ZC3H12B: variants seen among roughly 807,000 people sequenced by gnomAD.
ZC3H12B encodes zinc finger CCCH-type containing 12B, also known as probable ribonuclease ZC3H12B.
In ZC3H12B, 7 loss-of-function variants were observed where a neutral mutation model predicts 43.9. That is an observed-to-expected ratio of 0.16 (90% CI 0.09 to 0.30). ZC3H12B has a LOEUF of 0.30. ZC3H12B is among the 10% of genes least tolerant of loss of function. The probability of loss-of-function intolerance (pLI) is 1.00; values close to 1 mark genes in which losing one functional copy is unlikely to be tolerated. For synonymous variants in ZC3H12B, 222 were observed against 241.7 expected (o/e 0.92, Z 0.76); for missense variants, 475 against 670.2 (o/e 0.71, Z 3.22).
the ZC3H12B span, among the ~76,000 whole-genome samples, chrX:65,361,357 A>AT: frequency 8.9e-6 from 1 of 111,993 alleles, no homozygotes; most frequent in South Asian, 3.7e-4. Context: ...TTTGAATTAT[A>AT]TTTTTTGGGT....
chrX:65,185,982 T>C, the ZC3H12B span: 1 of 111,408 alleles, frequency 9.0e-6, no homozygotes, highest in Admixed American at 9.6e-5. Flanking sequence ...CTAAACAAAT[T>C]AAAGTTTAAC....
At chrX:65,137,556 A>T in the ZC3H12B span, among the ~76,000 whole-genome samples, 1 of 112,294 alleles carries the variant, frequency 8.9e-6, no homozygotes, top group South Asian at 3.6e-4. Context: ...AGATAATTTA[A>T]TTTTATATCA....
chrX:65,362,058 C>T (rs1411059363), upstream of ZC3H12B, among the ~76,000 whole-genome samples: 1 of 112,076 alleles, frequency 8.9e-6, no homozygotes, highest in Non-Finnish European at 1.9e-5. Flanking sequence ...GACCCATGTC[C>T]CATCAGTGTG....
At chrX:65,055,863 G>T in the ZC3H12B span, among the ~76,000 whole-genome samples, 2 of 111,861 alleles carry the variant, frequency 1.8e-5, no homozygotes, top group Non-Finnish European at 3.8e-5. Flanking sequence ...AGATTTTCTA[G>T]CTTATTTGCA....
At chrX:65,373,533 C>G (rs2066276601) in intron 2 of ZC3H12B, among the ~76,000 whole-genome samples, 2 of 110,070 alleles carry the variant, frequency 1.8e-5, no homozygotes, top group African/African-American at 6.6e-5. Flanking sequence ...AAATGTGGCA[C>G]ATATACACCA....
At chrX:65,447,648 A>G (rs1264244637) in intron 3 of ZC3H12B, among the ~76,000 whole-genome samples, 6 of 112,270 alleles carry the variant, frequency 5.3e-5, no homozygotes, top group Non-Finnish European at 1.1e-4. Context: ...CAGAGTAAAC[A>G]AACAACTCAC....
At chrX:65,418,536 C>A (rs888819129) in intron 3 of ZC3H12B, among the ~76,000 whole-genome samples, 30 of 111,653 alleles carry the variant, frequency 2.7e-4, no homozygotes, top group African/African-American at 9.4e-4. Flanking sequence ...TAACAGTCGA[C>A]TTCCAAAGGC....
chrX:65,205,060 G>A, the ZC3H12B span, among the ~76,000 whole-genome samples: 6 of 112,222 alleles, frequency 5.3e-5, no homozygotes, highest in African/African-American at 1.6e-4. Context: ...CTTGTTACAT[G>A]TAAATATATG....
chrX:65,052,386 T>C, the ZC3H12B span, among the ~76,000 whole-genome samples: 6 of 111,326 alleles, frequency 5.4e-5, no homozygotes, highest in African/African-American at 9.8e-5. Flanking sequence ...ATAGTCACCC[T>C]ATTGTGCTAT....
At chrX:65,483,389 G>T (rs2068087045) in intron 3 of ZC3H12B, among the ~76,000 whole-genome samples, 1 of 111,878 alleles carries the variant, frequency 8.9e-6, no homozygotes, top group Admixed American at 9.5e-5. Flanking sequence ...AAAATGGAAA[G>T]ATTTGAATTT....
the ZC3H12B span, among the ~76,000 whole-genome samples, chrX:65,346,687 C>T: frequency 8.0e-5 from 9 of 112,248 alleles, no homozygotes; most frequent in South Asian, 2.2e-3. Flanking sequence ...AAATAGACAA[C>T]CTACAGAAGT....
At chrX:65,242,008 G>A in the ZC3H12B span, among the ~76,000 whole-genome samples, 60 of 111,548 alleles carry the variant, frequency 5.4e-4, 1 homozygote, top group Middle Eastern at 9.3e-3. Flanking sequence ...TTCACGAAGG[G>A]ATCTCCTTAT....
the ZC3H12B span, among the ~76,000 whole-genome samples, chrX:65,141,132 G>A: frequency 2.7e-5 from 3 of 110,048 alleles, no homozygotes; most frequent in Non-Finnish European, 5.7e-5. Flanking sequence ...GCTCCTTGAG[G>A]TAAAGTTATG....
At chrX:65,442,875 G>A (rs372436429) in intron 3 of ZC3H12B, among the ~76,000 whole-genome samples, 5 of 111,612 alleles carry the variant, frequency 4.5e-5, no homozygotes, top group South Asian at 3.8e-4. Context: ...TCACCCTCTC[G>A]TCTAGCTTGC....
the ZC3H12B span, among the ~76,000 whole-genome samples, chrX:65,336,999 C>T: frequency 9.8e-5 from 11 of 112,353 alleles, no homozygotes; most frequent in East Asian, 2.0e-3. Context: ...GGCCTCCACC[C>T]CACTAAATAT....
At chrX:65,267,711 A>T in the ZC3H12B span, among the ~76,000 whole-genome samples, 1 of 111,944 alleles carries the variant, frequency 8.9e-6, no homozygotes, top group Admixed American at 9.5e-5. Flanking sequence ...GGGAATTTTT[A>T]AGTATCTTGA....
At chrX:65,178,023 C>T in the ZC3H12B span, among the ~76,000 whole-genome samples, 1 of 111,981 alleles carries the variant, frequency 8.9e-6, no homozygotes, top group South Asian at 3.7e-4. Context: ...TACTACAGGG[C>T]TACAGTAACC....
intron 2 of ZC3H12B, among the ~76,000 whole-genome samples, chrX:65,375,238 G>A (rs778061327): frequency 3.9e-4 from 44 of 112,000 alleles, no homozygotes; most frequent in African/African-American, 1.4e-3. Flanking sequence ...GCTGATGCCC[G>A]CCAATGGAGG....
the ZC3H12B span, among the ~76,000 whole-genome samples, chrX:65,140,585 A>G: frequency 1.8e-5 from 2 of 111,495 alleles, no homozygotes; most frequent in Admixed American, 9.5e-5. Context: ...TGTCCACTGT[A>G]GTGTCCACTG....
Sources: gnomAD v4.1 joint callset for allele counts (sites outside exome capture counted in the v4.1 genomes callset) on GRCh38, gnomAD v4.1.1 for gene constraint, MANE v1.5 for transcripts, NCBI Gene and HGNC (gene_info 2026-07-23, HGNC 2026-07-21) for gene names.